TINCR: variants seen among roughly 807,000 people sequenced by gnomAD.
TINCR encodes the protein TINCR ubiquitin domain containing.
At chr19:5,561,867 T>G (rs1269135396), downstream of TINCR, 1 of 152,052 alleles carries the variant, frequency 6.6e-6, no homozygotes, top group Admixed American at 6.6e-5. Context: ...ACCCAGCAAG[T>G]CAGGGGCAAC....
In TINCR at chr19:5,565,992, C is replaced by A. The variant is rs2052126468; in HGVS notation, c.260+1673G>T. 6.6e-6 allele frequency among the ~76,000 whole-genome samples: 1 copy of A among 152,214 alleles called. No individual in the cohort carries two copies. The highest frequency in any genetic ancestry group is 1.5e-5 in the Non-Finnish European group (1 of 68,042). ...CCGGCAGTGAGCTGTTCCCGTGGCC[C>A]CAGCGCCCTTCTCTGCAGACCCCTC... On this transcript the variant is annotated intron_variant, in intron 1 of 1. Transcript: ENST00000646160. This position sits in a 1 kb window ranked among gnomAD's most constrained non-coding sequence, Gnocchi z 4.0.
chr19:5,567,686 A>T, exon 1 of TINCR: 1 of 137,590 alleles, frequency 7.3e-6, no homozygotes, highest in South Asian at 2.1e-4. Context: ...GACGAGCAGC[A>T]GCACCGAGCC....
chr19:5,567,863 G>A, exon 1 of TINCR: 1 of 392,970 alleles, frequency 2.5e-6, no homozygotes, highest in Non-Finnish European at 4.5e-6. Context: ...CGCCTCGTCC[G>A]CCAGGTGCAC....
chr19:5,567,572 G>C (rs1040390868), intron 1 of TINCR, 93 bp downstream of exon 1: 1 of 374,232 alleles, frequency 2.7e-6, no homozygotes, highest in East Asian at 3.9e-5. Flanking sequence ...GTGCCGGCCC[G>C]GGAGGCCGCC....
At chr19:5,567,613 G>A in intron 1 of TINCR, 52 bp downstream of exon 1, 1 of 369,084 alleles carries the variant, frequency 2.7e-6, no homozygotes, top group Non-Finnish European at 4.8e-6. Flanking sequence ...CCGCTCTCCA[G>A]GGGTCCCCGG....
intron 1 of TINCR, among the ~76,000 whole-genome samples, chr19:5,566,035 C>T (rs2052126697): frequency 6.6e-6 from 1 of 152,106 alleles, no homozygotes; most frequent in African/African-American, 2.4e-5. Flanking sequence ...CAGAAGACGC[C>T]CCACTTGAGG....
chr19:5,567,912 G>A (rs1320453783), exon 1 of TINCR: 13 of 387,360 alleles, frequency 3.4e-5, no homozygotes, highest in Non-Finnish European at 5.0e-5. Context: ...AGCCCCCGCC[G>A]CAGCCCCTCC....
In TINCR at chr19:5,563,317, G is replaced by A. The variant is rs1233167273; in HGVS notation, c.261-368C>T. On this transcript the variant is annotated intron_variant, in intron 1 of 1. Transcript: ENST00000646160. The surrounding 1 kb of genome is among the most constrained non-coding windows in gnomAD (Gnocchi z 4.7). ...AGACTTGTAGGGGACAAGGGCAGGG[G>A]CTGCGGACCTTGGTGGGGGGCAACT... is the stretch of plus-strand genomic sequence containing the variant. Among the ~76,000 whole-genome samples the A allele has an allele frequency of 1.3e-5, 2 of 152,030 alleles. No homozygotes were observed. The highest frequency in any genetic ancestry group is 2.9e-5 in the Non-Finnish European group (2 of 68,002).
intron 1 of TINCR, 30 bp downstream of exon 1, chr19:5,567,635 G>GCCCCCCCCCCCCC: frequency 8.9e-6 from 1 of 111,790 alleles, no homozygotes; most frequent in East Asian, 1.4e-4. Flanking sequence ...CGCCGCCCCC[G>GCCCCCCCCCCCCC]CCCCACCCCA....
At chr19:5,560,622 A>C (rs1338869933), downstream of TINCR, 3 of 151,670 alleles carry the variant, frequency 2.0e-5, no homozygotes, top group Non-Finnish European at 4.4e-5. The surrounding 1 kb of genome is among the most constrained non-coding windows in gnomAD (Gnocchi z 4.5). Flanking sequence ...CCAGTTCCCC[A>C]CCCCCAGATC....
At chr19:5,564,723 G>A (rs1175035510) in intron 1 of TINCR, among the ~76,000 whole-genome samples, 3 of 152,172 alleles carry the variant, frequency 2.0e-5, no homozygotes, top group Admixed American at 6.5e-5. Context: ...GATTACAGGC[G>A]TATATCACTA....
At position 5,567,649 on chromosome 19, in the gene TINCR, C is replaced by CCCCCCCCCCCCCCCCCCCCCGGGGG; in HGVS notation, c.260+15_260+16insCCCCCGGGGGGGGGGGGGGGGGGGG. The CCCCCCCCCCCCCCCCCCCCCGGGGG allele has an allele frequency of 2.9e-6, 1 of 350,312 alleles. No homozygotes were observed. The highest frequency in any genetic ancestry group is 5.1e-6 in the Non-Finnish European group (1 of 196,746). 21.7% of individuals were successfully genotyped at this position (350,312 alleles called of 1,614,324 possible). A position where few individuals can be genotyped will look rare whatever the true frequency, so the allele number is the denominator to read the frequency against. On this transcript the variant is annotated intron_variant, in intron 1 of 1. Coordinates refer to ENST00000646160, the Ensembl canonical transcript of TINCR. ...CCGCCGCCCCCGCCCCACCCCACCC[C>CCCCCCCCCCCCCCCCCCCCCGGGGG]GAGCCCCGCGGCCACCTGGGGTCGC...
intron 1 of TINCR, 39 bp downstream of exon 1, chr19:5,567,626 G>GCCTCCC: frequency 2.0e-5 from 4 of 202,442 alleles, no homozygotes; most frequent in Non-Finnish European, 2.0e-5. Context: ...GTCCCCGGCC[G>GCCTCCC]CCGCCCCCGC....
chr19:5,567,439 A>G (rs2052136498), intron 1 of TINCR, among the ~76,000 whole-genome samples: 1 of 152,228 alleles, frequency 6.6e-6, no homozygotes, highest in East Asian at 1.9e-4. Flanking sequence ...GAGAGGCAGA[A>G]AAACAGCAGA....
downstream of TINCR, chr19:5,559,713 T>C (rs2052090936): frequency 6.6e-6 from 1 of 152,174 alleles, no homozygotes; most frequent in African/African-American, 2.4e-5. Flanking sequence ...GGAATGAAAC[T>C]GGGGAGATTA....
At chr19:5,561,962 T>A (rs1451278194), downstream of TINCR, 1 of 152,330 alleles carries the variant, frequency 6.6e-6, no homozygotes, top group Non-Finnish European at 1.5e-5. Flanking sequence ...CATAAGTGTA[T>A]GGAGGGGGAT....
At chr19:5,567,550 G>C in intron 1 of TINCR, 115 bp downstream of exon 1, 1 of 370,318 alleles carries the variant, frequency 2.7e-6, no homozygotes, top group Admixed American at 4.6e-5. Context: ...GGCAGCGCGA[G>C]GTGGGAAAGC....
chr19:5,564,943 G>A (rs1482344766), intron 1 of TINCR, among the ~76,000 whole-genome samples: 1 of 152,042 alleles, frequency 6.6e-6, no homozygotes, highest in Admixed American at 6.6e-5. Flanking sequence ...CCTCACCCTG[G>A]TCTCCTGTCT....
At chr19:5,566,380 C>G (rs141422868) in intron 1 of TINCR, among the ~76,000 whole-genome samples, 174 of 150,244 alleles carry the variant, frequency 1.2e-3, no homozygotes, top group Middle Eastern at 3.6e-3. Context: ...AAGAGACACA[C>G]AGAGAGAAAA....
Sources: gnomAD v4.1 joint callset for allele counts (sites outside exome capture counted in the v4.1 genomes callset) on GRCh38, gnomAD v4.1.1 for gene constraint, Gnocchi (gnomAD v3.1) non-coding constraint, MANE v1.5 for transcripts, NCBI Gene and HGNC (gene_info 2026-07-23, HGNC 2026-07-21) for gene names.